SLC25A21: variants seen among roughly 807,000 people sequenced by gnomAD.
SLC25A21 encodes mitochondrial 2-oxodicarboxylate carrier.
In SLC25A21, 47 loss-of-function variants were observed where a neutral mutation model predicts 43.8. The ratio of observed to expected loss-of-function variants is 1.07; its 90% CI spans 0.85 to 1.37. The LOEUF is 1.37. SLC25A21 is among the 40% of genes most tolerant of loss of function. The pLI, the probability that SLC25A21 is intolerant of heterozygous loss-of-function variation, is 0.00. For missense variants in SLC25A21, 352 were observed against 350.2 expected, an observed-to-expected ratio of 1.00 and a Z score of -0.04; for synonymous variants, 131 against 121.3, an observed-to-expected ratio of 1.08 and a Z score of -0.52.
At chr14:36,918,163 T>C (rs1455989099) in intron 1 of SLC25A21, among the ~76,000 whole-genome samples, 2 of 152,162 alleles carry the variant, frequency 1.3e-5, no homozygotes, top group Admixed American at 1.3e-4. Flanking sequence ...GCAGGCTTTC[T>C]TATACCACAA....
intron 1 of SLC25A21, among the ~76,000 whole-genome samples, chr14:37,153,146 G>A (rs965900335): frequency 5.9e-5 from 9 of 152,134 alleles, no homozygotes; most frequent in African/African-American, 2.2e-4. Context: ...CCCAAGCCCT[G>A]AAACTAACAC....
In SLC25A21 at chr14:37,051,992, C is replaced by T. The variant is rs17106126; in HGVS notation, c.70+120289G>A. ...GTGGACCCGAAGGGCCCGAGCACAT[C>T]CTGTGGAATTGAAATGCAGTGTGAA... On this transcript the variant is annotated intron_variant, in intron 1 of 9. Coordinates refer to ENST00000331299, the MANE Select transcript of SLC25A21 (RefSeq NM_030631.4). Among the ~76,000 whole-genome samples, 1,377 of 152,256 alleles carry T rather than the reference C, an allele frequency of 9.0e-3. 16 individuals carry two copies. The highest frequency in any genetic ancestry group is 0.032 in the African/African-American group (1,312 of 41,536).
At chr14:36,909,606 G>A (rs1044314640) in intron 1 of SLC25A21, among the ~76,000 whole-genome samples, 50 of 152,248 alleles carry the variant, frequency 3.3e-4, no homozygotes, top group African/African-American at 1.1e-3. Context: ...CCAAATTCAT[G>A]GGTTTTTCTT....
intron 1 of SLC25A21, among the ~76,000 whole-genome samples, chr14:37,148,595 G>T (rs1319350539): frequency 6.6e-6 from 1 of 152,142 alleles, no homozygotes; most frequent in Non-Finnish European, 1.5e-5. Context: ...ATGGTTACAT[G>T]GGGATATATA....
rs370513960 is a variant in SLC25A21 at position 36,725,713 on chromosome 14, G to A, written c.331-36C>T. ...TAAATCAATCAATACTTTAAAACAA[G>A]TTATCATGTGTATGGGGTTAAACAT... On this transcript the variant is annotated intron_variant, in intron 5 of 9. Transcript: ENST00000331299. 7 of 1,394,244 alleles carry A rather than the reference G, an allele frequency of 5.0e-6. No individual in the cohort carries two copies. The African/African-American group carries it at 1.0e-4, about 20-fold the overall frequency. 86.4% of individuals were successfully genotyped at this position (1,394,244 alleles called of 1,614,324 possible). A position where few individuals can be genotyped will look rare whatever the true frequency, so the allele number is the denominator to read the frequency against.
intron 3 of SLC25A21, among the ~76,000 whole-genome samples, chr14:36,748,001 T>G (rs1038174313): frequency 3.9e-5 from 6 of 152,170 alleles, no homozygotes; most frequent in African/African-American, 1.4e-4. Flanking sequence ...GCACAATGCT[T>G]TACAATTATT....
chr14:37,157,741 C>T (rs554191466), intron 1 of SLC25A21, among the ~76,000 whole-genome samples: 1 of 152,048 alleles, frequency 6.6e-6, no homozygotes, highest in African/African-American at 2.4e-5. Flanking sequence ...TAATAAAAAA[C>T]AGAGCAGAAC....
chr14:36,931,201 T>A (rs1165823850), intron 1 of SLC25A21, among the ~76,000 whole-genome samples: 1 of 152,114 alleles, frequency 6.6e-6, no homozygotes, highest in Non-Finnish European at 1.5e-5. Flanking sequence ...AGCTGTAATA[T>A]TTGCATTGAT....
chr14:37,132,814 C>T (rs542905396), intron 1 of SLC25A21, among the ~76,000 whole-genome samples: 2 of 151,980 alleles, frequency 1.3e-5, no homozygotes, highest in South Asian at 4.2e-4. Context: ...ACTGCAGCCT[C>T]AACCTCCCCA....
At chr14:36,731,856 C>G (rs1884839512) in intron 4 of SLC25A21, among the ~76,000 whole-genome samples, 1 of 152,178 alleles carries the variant, frequency 6.6e-6, no homozygotes, top group Non-Finnish European at 1.5e-5. Flanking sequence ...CTGCTCTCCC[C>G]TGGCTTTCAG....
At position 36,863,822 on chromosome 14, in the gene SLC25A21, A is replaced by G. The variant is rs371894525; in HGVS notation, c.119+11134T>C. ...CGTGCGTGGAGCACTACCTATGGATAAGGCAGTTATTGCAACCAACCCGGC... is the reference window on the plus strand; with the variant it reads ...CGTGCGTGGAGCACTACCTATGGATGAGGCAGTTATTGCAACCAACCCGGC... On this transcript the variant is annotated intron_variant, in intron 2 of 9. Transcript: ENST00000331299. Among the ~76,000 whole-genome samples, 502 of 152,308 alleles carry G rather than the reference A, an allele frequency of 3.3e-3. 5 individuals carry two copies. Among genetic ancestry groups the G allele is most frequent in the African/African-American group, 0.011 (467 of 41,566 alleles).
At chr14:36,916,910 T>C (rs562855225) in intron 1 of SLC25A21, among the ~76,000 whole-genome samples, 1 of 152,184 alleles carries the variant, frequency 6.6e-6, no homozygotes, top group African/African-American at 2.4e-5. Flanking sequence ...AGCCTGTACA[T>C]TCCATATGCA....
intron 6 of SLC25A21, among the ~76,000 whole-genome samples, chr14:36,724,981 A>G (rs1217298907): frequency 1.3e-5 from 2 of 152,258 alleles, no homozygotes. Flanking sequence ...AAGTCACTTC[A>G]GATTATATTA....
At chr14:36,722,882 C>A (rs1019737379) in intron 6 of SLC25A21, among the ~76,000 whole-genome samples, 1 of 152,082 alleles carries the variant, frequency 6.6e-6, no homozygotes, top group Non-Finnish European at 1.5e-5. Context: ...TAAATTAATT[C>A]TTTTCTTCTT....
chr14:37,167,887 G>A (rs188168141), intron 1 of SLC25A21, among the ~76,000 whole-genome samples: 25 of 151,556 alleles, frequency 1.6e-4, no homozygotes, highest in African/African-American at 5.9e-4. Context: ...TGACTCTCTA[G>A]CTGCACCGCT....
rs1213350595 is a variant in SLC25A21, at chr14:36,679,315, TTTA to T, written c.*1340_*1342del. 1.0e-6 allele frequency: 1 copy of T among 972,804 alleles called. No individual in the cohort carries two copies. The highest frequency in any genetic ancestry group is 1.2e-6 in the Non-Finnish European group (1 of 818,618). 60.3% of individuals were successfully genotyped at this position (972,804 alleles called of 1,614,324 possible). A position where few individuals can be genotyped will look rare whatever the true frequency, so the allele number is the denominator to read the frequency against. ...TGTATATACAGTATGTCAAAAGCCT[TTTA>T]TTTTTATACTTCAAATGCTCTAAAT... On this transcript the variant is annotated 3_prime_UTR_variant, in exon 10 of 10. Coordinates refer to ENST00000331299, the MANE Select transcript of SLC25A21 (RefSeq NM_030631.4).
chr14:37,011,376 T>G (rs1303820378), intron 1 of SLC25A21, among the ~76,000 whole-genome samples: 1 of 152,178 alleles, frequency 6.6e-6, no homozygotes, highest in African/African-American at 2.4e-5. Context: ...CTTTTTCCAT[T>G]TTTTCCAAGG....
Position 37,163,253 on chromosome 14 carries a change from G to A in SLC25A21, c.70+9028C>T, listed in dbSNP as rs556263880. ...ACATGTATACATATGTAACTAACCT[G>A]CACATTGTGCACATGTACCCTAAAA... On this transcript the variant is annotated intron_variant, in intron 1 of 9. Transcript: ENST00000331299. Among the ~76,000 whole-genome samples the A allele has an allele frequency of 2.0e-5, 3 of 151,370 alleles. No individual in the cohort carries two copies. In the East Asian group the frequency reaches 5.8e-4, roughly 29 times the overall value.
At chr14:36,892,972 A>G (rs1891121217) in intron 1 of SLC25A21, among the ~76,000 whole-genome samples, 1 of 152,062 alleles carries the variant, frequency 6.6e-6, no homozygotes, top group South Asian at 2.1e-4. Flanking sequence ...GGTTGGTTCC[A>G]AGTCTTTGCT....
Sources: allele counts gnomAD v4.1 joint callset (sites outside exome capture counted in the v4.1 genomes callset), GRCh38; gene constraint gnomAD v4.1.1; transcripts MANE v1.5; gene names NCBI Gene and HGNC (gene_info 2026-07-23, HGNC 2026-07-21).